The following CNGB1 variants were observed in gnomAD, a reference collection of about 807,000 sequenced individuals.
CNGB1 encodes cyclic nucleotide gated channel subunit beta 1.
A neutral mutation model predicts 151.7 loss-of-function variants in CNGB1; 126 were observed. The observed-to-expected ratio is 0.83, with a 90% CI of 0.72 to 0.96. The LOEUF (loss-of-function observed/expected upper bound fraction) is 0.96, where lower values mean the gene tolerates loss of function less well. Ranked by LOEUF, CNGB1 falls within the 40% of genes least tolerant of loss-of-function variation. The probability of loss-of-function intolerance (pLI) is 0.00; values close to 1 mark genes in which losing one functional copy is unlikely to be tolerated. For synonymous variants in CNGB1, 623 were observed against 635.1 expected (o/e 0.98, Z 0.29); for missense variants, 1,698 against 1,627.0 (o/e 1.04, Z -0.75).
In CNGB1 at chr16:57,958,429, T is replaced by C. The variant is rs755669162; in HGVS notation, c.818A>G (p.His273Arg). The C allele has an allele frequency of 1.1e-5, 17 of 1,586,132 alleles. No individual in the cohort carries two copies. The Admixed American group carries it at 2.4e-4, about 22-fold the overall frequency. Residue 273 changes from histidine (H) to arginine (R), a missense_variant, in exon 11 of 33, where the codon CAT becomes CGT. Transcript: ENST00000251102. Reference protein sequence around the residue: ...LEMALPQPVLHGKIGEQEPDS... With the variant: ...LEMALPQPVLRGKIGEQEPDS... Reference sequence around the variant, plus strand: ...ACTGACCTGTTCCCCTATTTTCCCATGTAGCACTGGCTGCGGCAAGGCCAT... The same window carrying C: ...ACTGACCTGTTCCCCTATTTTCCCACGTAGCACTGGCTGCGGCAAGGCCAT...
chr16:57,944,973 A>T (rs1252667483), intron 14 of CNGB1, among the ~76,000 whole-genome samples: 1 of 148,738 alleles, frequency 6.7e-6, no homozygotes, highest in Non-Finnish European at 1.5e-5. Flanking sequence ...AAAAAAAAAA[A>T]CAAGAAAAGA....
intron 16 of CNGB1, 110 bp from the exon 17 acceptor site, chr16:57,931,988 T>C (rs1961367630): frequency 8.4e-7 from 1 of 1,196,286 alleles, no homozygotes; most frequent in Admixed American, 2.0e-5. Flanking sequence ...GAGGGGACTC[T>C]GATAGCTTCA....
chr16:57,903,384 T>C (rs1377446806), intron 27 of CNGB1, among the ~76,000 whole-genome samples: 1 of 151,528 alleles, frequency 6.6e-6, no homozygotes, highest in African/African-American at 2.4e-5. Context: ...CCCAGCTATT[T>C]GGGAGGCTGA....
intron 12 of CNGB1, chr16:57,955,044 C>T (rs41248): frequency 5.6e-6 from 7 of 1,260,996 alleles, no homozygotes; most frequent in South Asian, 2.0e-5. Flanking sequence ...CCACCACGCC[C>T]GGCTATGGGC....
At chr16:57,970,539 C>T (rs1373612783) in intron 1 of CNGB1, among the ~76,000 whole-genome samples, 1 of 152,360 alleles carries the variant, frequency 6.6e-6, no homozygotes, top group South Asian at 2.1e-4. Flanking sequence ...TGGCATTTGC[C>T]GAGTGTTGGC....
Position 57,911,830 on chromosome 16 carries a change from A to T in CNGB1, c.2415T>A (p.Asn805Lys). Residue 805 changes from asparagine to lysine, a missense_variant, in exon 25 of 33, where the codon AAT (asparagine) becomes AAA (lysine). Physicochemically the swap from Asn to Lys is moderately conservative, Grantham distance 94. Coordinates refer to ENST00000251102, the MANE Select transcript of CNGB1 (RefSeq NM_001297.5). ...CCGATGCCCAGTAATAAAGACAGGA[A>T]TTCAAATGCAGGCTGTAGAGAAGGT... ...TAYLLYSLHLNSCLYYWASAY... is the reference protein window; with the variant it reads ...TAYLLYSLHLKSCLYYWASAY... The T allele has an allele frequency of 6.2e-7, 1 of 1,614,050 alleles. No homozygotes were observed. Among genetic ancestry groups the T allele is most frequent in the African/African-American group, 1.3e-5 (1 of 75,062 alleles).
chr16:57,958,303 G>T, intron 11 of CNGB1, 107 bp downstream of exon 11: 1 of 595,630 alleles, frequency 1.7e-6, no homozygotes, highest in Non-Finnish European at 2.6e-6. Context: ...AGGAAGGCTG[G>T]GGGAGCTGGG....
intron 23 of CNGB1, among the ~76,000 whole-genome samples, chr16:57,914,371 G>A (rs1231081189): frequency 3.3e-5 from 5 of 152,200 alleles, no homozygotes; most frequent in Non-Finnish European, 7.3e-5. Context: ...TTGGCAGCCA[G>A]GAAGCTCAGA....
intron 16 of CNGB1, among the ~76,000 whole-genome samples, chr16:57,939,044 T>G (rs1161604871): frequency 1.3e-5 from 2 of 152,142 alleles, no homozygotes; most frequent in Non-Finnish European, 2.9e-5. Flanking sequence ...GCCCAAGAGC[T>G]GCATCCTCAT....
chr16:57,919,941 T>C (rs1380943207), intron 19 of CNGB1, among the ~76,000 whole-genome samples: 1 of 152,216 alleles, frequency 6.6e-6, no homozygotes, highest in Non-Finnish European at 1.5e-5. Context: ...TCATGTGTCT[T>C]ATTTCCTCCT....
intron 16 of CNGB1, among the ~76,000 whole-genome samples, chr16:57,935,073 CT>C (rs1487666698): frequency 6.6e-6 from 1 of 151,188 alleles, no homozygotes; most frequent in Non-Finnish European, 1.5e-5. Context: ...GTTACACCCT[CT>C]TTTAGTGAAT....
intron 20 of CNGB1, 95 bp from the exon 21 acceptor site, chr16:57,917,571 A>G (rs1481582832): frequency 8.7e-7 from 1 of 1,150,690 alleles, no homozygotes; most frequent in African/African-American, 1.5e-5. Context: ...TACTCCTTCA[A>G]CTACTACATG....
intron 25 of CNGB1, among the ~76,000 whole-genome samples, chr16:57,907,150 A>G (rs796787715): frequency 9.9e-5 from 15 of 152,230 alleles, no homozygotes; most frequent in African/African-American, 3.4e-4. Context: ...GGGCAGCTCG[A>G]GCTCCTCCCG....
intron 29 of CNGB1, among the ~76,000 whole-genome samples, chr16:57,898,354 G>A (rs1352575739): frequency 5.3e-5 from 8 of 151,886 alleles, no homozygotes; most frequent in Non-Finnish European, 4.4e-5. Flanking sequence ...ACAGGAATGG[G>A]AACAACAATA....
intron 17 of CNGB1, among the ~76,000 whole-genome samples, chr16:57,923,687 G>C (rs976865869): frequency 6.6e-6 from 1 of 152,192 alleles, no homozygotes; most frequent in Admixed American, 6.5e-5. Context: ...ACCAAAACAT[G>C]CTGAGTTACC....
chr16:57,921,440 T>C (rs1961033384), intron 18 of CNGB1, among the ~76,000 whole-genome samples: 1 of 152,092 alleles, frequency 6.6e-6, no homozygotes. Context: ...CAGGCTGGTC[T>C]CAAACTCCCA....
chr16:57,928,372 A>G (rs965472277), intron 17 of CNGB1, among the ~76,000 whole-genome samples: 1 of 152,224 alleles, frequency 6.6e-6, no homozygotes, highest in Non-Finnish European at 1.5e-5. Flanking sequence ...GGGATTTGTT[A>G]AGTTCATTCC....
intron 4 of CNGB1, among the ~76,000 whole-genome samples, chr16:57,963,293 G>A (rs572791995): frequency 6.6e-5 from 10 of 152,298 alleles, no homozygotes; most frequent in Admixed American, 5.2e-4. Flanking sequence ...TGAGACTTCA[G>A]ACCCATCACC....
At chr16:57,912,455 C>A (rs1267897784) in intron 24 of CNGB1, among the ~76,000 whole-genome samples, 3 of 152,182 alleles carry the variant, frequency 2.0e-5, no homozygotes, top group African/African-American at 7.2e-5. Flanking sequence ...ACAAACATTT[C>A]TCTGGGAAAG....
Sources: gnomAD v4.1 joint callset for allele counts (sites outside exome capture counted in the v4.1 genomes callset) on GRCh38, gnomAD v4.1.1 for gene constraint, MANE v1.5 for transcripts, NCBI Gene and HGNC (gene_info 2026-07-23, HGNC 2026-07-21) for gene names.